The following ANKS1B variants were observed in gnomAD, a reference collection of about 807,000 sequenced individuals.
ANKS1B encodes ankyrin repeat and sterile alpha motif domain-containing protein 1B.
Under a neutral mutation model 148.3 loss-of-function variants are expected in ANKS1B, and 36 were observed. That is an observed-to-expected ratio of 0.24 (90% CI 0.19 to 0.32). The LOEUF (loss-of-function observed/expected upper bound fraction) is 0.32, where lower values mean the gene tolerates loss of function less well. Ranked by LOEUF, ANKS1B falls within the 10% of genes least tolerant of loss-of-function variation. The pLI, the probability that ANKS1B is intolerant of heterozygous loss-of-function variation, is 1.00. For missense variants in ANKS1B, 1,157 were observed against 1,542.6 expected (o/e 0.75, Z 4.19); for synonymous variants, 542 against 560.8 (o/e 0.97, Z 0.47).
chr12:99,299,523 C>A (rs2081330387), intron 12 of ANKS1B, among the ~76,000 whole-genome samples: 1 of 152,220 alleles, frequency 6.6e-6, no homozygotes. Context: ...AAAATGAAAA[C>A]TATAACAAAT....
At chr12:98,814,227 C>T (rs2099121394) in intron 19 of ANKS1B, among the ~76,000 whole-genome samples, 2 of 152,190 alleles carry the variant, frequency 1.3e-5, no homozygotes, top group South Asian at 4.1e-4. Context: ...GAGAATAGTA[C>T]TTGACCTACT....
intron 9 of ANKS1B, among the ~76,000 whole-genome samples, chr12:99,617,028 AAC>A (rs1598204933): frequency 6.6e-6 from 1 of 152,212 alleles, no homozygotes; most frequent in East Asian, 1.9e-4. Flanking sequence ...GTGGCCAAAA[AAC>A]ACATGAGAGA....
At chr12:99,059,039 TTCTA>T (rs1294831674) in intron 16 of ANKS1B, among the ~76,000 whole-genome samples, 1 of 152,078 alleles carries the variant, frequency 6.6e-6, no homozygotes, top group African/African-American at 2.4e-5. Flanking sequence ...GCCCGGCCAA[TTCTA>T]TCTATCCTTA....
Position 99,345,853 on chromosome 12 carries a change from A to T in ANKS1B, c.1756+53778T>A, listed in dbSNP as rs372013009. 3.3e-5 allele frequency among the ~76,000 whole-genome samples: 5 copies of T among 152,014 alleles called. No homozygotes were observed. The East Asian group carries it at 7.7e-4, about 23-fold the overall frequency. ...GGTACCCAGCCTGAGCCTAAAAAAA[A>T]TGCTCTTTGTAAAATTTCTCTTTGT... is the stretch of plus-strand genomic sequence containing the variant. On this transcript the variant is annotated intron_variant, in intron 12 of 26. Transcript: ENST00000683438.
At chr12:98,921,797 A>G (rs2099801804) in intron 17 of ANKS1B, among the ~76,000 whole-genome samples, 1 of 152,206 alleles carries the variant, frequency 6.6e-6, no homozygotes, top group Non-Finnish European at 1.5e-5. Flanking sequence ...AACCACAGGA[A>G]CTAATTTGAA....
At chr12:99,736,297 G>C (rs2059610041) in intron 8 of ANKS1B, among the ~76,000 whole-genome samples, 1 of 151,940 alleles carries the variant, frequency 6.6e-6, no homozygotes, top group Non-Finnish European at 1.5e-5. Flanking sequence ...AACTGGAAAA[G>C]AAGTAAAATT....
At chr12:99,286,280 A>G (rs762159254) in intron 12 of ANKS1B, among the ~76,000 whole-genome samples, 1 of 151,872 alleles carries the variant, frequency 6.6e-6, no homozygotes. Flanking sequence ...TTCCTGGACA[A>G]AATTTCTAAA....
intron 1 of ANKS1B, among the ~76,000 whole-genome samples, chr12:99,849,723 C>A (rs2087383650): frequency 6.6e-6 from 1 of 151,988 alleles, no homozygotes; most frequent in African/African-American, 2.4e-5. Context: ...TAAAATTGAA[C>A]AAAAGAAGTC....
chr12:99,534,955 C>T (rs111732765), intron 9 of ANKS1B, among the ~76,000 whole-genome samples: 1,807 of 151,974 alleles, frequency 0.012, 36 homozygotes, highest in African/African-American at 0.042. Flanking sequence ...GTGATCTGAC[C>T]ACCTCGGCCT....
intron 17 of ANKS1B, among the ~76,000 whole-genome samples, chr12:98,842,575 G>A (rs1184653327): frequency 6.6e-6 from 1 of 152,190 alleles, no homozygotes; most frequent in African/African-American, 2.4e-5. Context: ...TTCATGATGT[G>A]TAATTAAATT....
At chr12:99,468,939 G>T (rs1448461064) in intron 10 of ANKS1B, among the ~76,000 whole-genome samples, 2 of 151,980 alleles carry the variant, frequency 1.3e-5, no homozygotes, top group Admixed American at 1.3e-4. Context: ...CCCATTACTG[G>T]GTATATACCC....
At chr12:99,736,035 G>T (rs10860498) in intron 8 of ANKS1B, among the ~76,000 whole-genome samples, 30,199 of 151,514 alleles carry the variant, frequency 0.2, 3,550 homozygotes, top group East Asian at 0.51. Flanking sequence ...GATAGATACA[G>T]AAAAAGCATT....
At chr12:98,956,446 AT>A (rs1305719987) in intron 17 of ANKS1B, 1 of 152,118 alleles carries the variant, frequency 6.6e-6, no homozygotes, top group African/African-American at 2.4e-5. Flanking sequence ...TGCTTAAAAC[AT>A]TTCCAAAGGC....
intron 14 of ANKS1B, among the ~76,000 whole-genome samples, chr12:99,175,139 A>T (rs1347892413): frequency 1.3e-5 from 2 of 152,246 alleles, no homozygotes; most frequent in Non-Finnish European, 1.5e-5. Context: ...AATAATATAG[A>T]GACAAAATTT....
At chr12:99,551,274 C>A (rs1270427918) in intron 9 of ANKS1B, among the ~76,000 whole-genome samples, 2 of 152,118 alleles carry the variant, frequency 1.3e-5, no homozygotes, top group Admixed American at 1.3e-4. Flanking sequence ...TCAAATACAT[C>A]ATCATACTCA....
At chr12:99,320,796 A>T (rs2085112703) in intron 12 of ANKS1B, among the ~76,000 whole-genome samples, 1 of 152,012 alleles carries the variant, frequency 6.6e-6, no homozygotes, top group African/African-American at 2.4e-5. Context: ...AGAATTTTCA[A>T]CTTTTGTGCT....
At chr12:99,418,020 C>T (rs1179488481) in intron 11 of ANKS1B, among the ~76,000 whole-genome samples, 1 of 152,130 alleles carries the variant, frequency 6.6e-6, no homozygotes, top group African/African-American at 2.4e-5. Context: ...TAGTAACTTT[C>T]CCAAACAAAA....
At chr12:99,323,495 G>A (rs559869372) in intron 12 of ANKS1B, among the ~76,000 whole-genome samples, 2 of 152,238 alleles carry the variant, frequency 1.3e-5, no homozygotes, top group South Asian at 4.1e-4. Context: ...CTCAATTCCA[G>A]TACTGACTGG....
At chr12:99,670,041 A>G (rs1408657204) in intron 8 of ANKS1B, among the ~76,000 whole-genome samples, 1 of 152,028 alleles carries the variant, frequency 6.6e-6, no homozygotes, top group Non-Finnish European at 1.5e-5. Context: ...AGAAGGAGCC[A>G]CTCCATACCC....
Sources: gnomAD v4.1 joint callset for allele counts (sites outside exome capture counted in the v4.1 genomes callset) on GRCh38, gnomAD v4.1.1 for gene constraint, MANE v1.5 for transcripts, NCBI Gene and HGNC (gene_info 2026-07-23, HGNC 2026-07-21) for gene names.